SLC35F4: variants seen among roughly 807,000 people sequenced by gnomAD.
The protein encoded by SLC35F4 is chromosome 14 open reading frame 36.
In SLC35F4, 24 loss-of-function variants were observed where a neutral mutation model predicts 44.2. The ratio of observed to expected loss-of-function variants is 0.54; its 90% confidence interval spans 0.39 to 0.76. The LOEUF (loss-of-function observed/expected upper bound fraction) is 0.76, where lower values mean the gene tolerates loss of function less well. Ranked by LOEUF, SLC35F4 falls within the 30% of genes least tolerant of loss-of-function variation. The pLI is 0.00. For missense variants in SLC35F4, 562 were observed against 586.1 expected (o/e 0.96, Z 0.42); for synonymous variants, 238 against 223.6 (o/e 1.06, Z -0.57).
intron 1 of SLC35F4, among the ~76,000 whole-genome samples, chr14:57,920,266 C>G (rs1014438073): frequency 3.3e-5 from 5 of 152,126 alleles, no homozygotes; most frequent in African/African-American, 1.2e-4. Context: ...AGATATGAAA[C>G]ATTAATAAGA....
chr14:57,564,469 C>A, intron 7 of SLC35F4, 93 bp from the exon 8 acceptor site: 1 of 1,471,014 alleles, frequency 6.8e-7, no homozygotes, highest in East Asian at 2.5e-5. Flanking sequence ...TAGAGATTTC[C>A]AAGAGTCTTC....
chr14:57,951,292 A>C (rs897123527), intron 1 of SLC35F4, among the ~76,000 whole-genome samples: 2 of 152,198 alleles, frequency 1.3e-5, no homozygotes, highest in South Asian at 4.1e-4. Flanking sequence ...CACAACCTGC[A>C]GACCAGGAGA....
At position 57,804,285 on chromosome 14, in the gene SLC35F4, G is replaced by A. The variant is rs147329810; in HGVS notation, c.103+61438C>T. ...AAAAAAACTATTTAAAAATTCTTAT[G>A]GAACCAAAAAAGAGCCTGAATACCA... On this transcript the variant is annotated intron_variant, in intron 1 of 7. Coordinates refer to ENST00000556826, the MANE Select transcript of SLC35F4 (RefSeq NM_001306087.2). Among the ~76,000 whole-genome samples, 243 of 152,098 alleles carry A rather than the reference G, an allele frequency of 1.6e-3. 1 individual carries two copies. The highest frequency in any genetic ancestry group is 5.4e-3 in the African/African-American group (222 of 41,476).
intron 1 of SLC35F4, among the ~76,000 whole-genome samples, chr14:57,656,418 A>C (rs930496569): frequency 6.6e-6 from 1 of 151,476 alleles, no homozygotes; most frequent in African/African-American, 2.4e-5. Flanking sequence ...GATACACATG[A>C]TATATATACA....
At chr14:57,962,529 T>C (rs980475985) in intron 1 of SLC35F4, among the ~76,000 whole-genome samples, 2 of 152,124 alleles carry the variant, frequency 1.3e-5, no homozygotes, top group African/African-American at 4.8e-5. Context: ...AGTCATCTAA[T>C]CCTACAGGAC....
intron 1 of SLC35F4, among the ~76,000 whole-genome samples, chr14:57,965,483 G>A (rs529731002): frequency 7.9e-5 from 12 of 152,118 alleles, no homozygotes; most frequent in Non-Finnish European, 1.6e-4. Context: ...TTACATGTAA[G>A]ATCACATACC....
At chr14:57,915,664 C>T (rs1209014354) in intron 1 of SLC35F4, among the ~76,000 whole-genome samples, 1 of 152,072 alleles carries the variant, frequency 6.6e-6, no homozygotes, top group African/African-American at 2.4e-5. Flanking sequence ...GTCTTTGCCA[C>T]ATTATAACAA....
intron 1 of SLC35F4, among the ~76,000 whole-genome samples, chr14:57,736,921 C>A (rs866908238): frequency 9.2e-5 from 14 of 151,486 alleles, no homozygotes; most frequent in Middle Eastern, 6.8e-3. Context: ...AGCCATCATA[C>A]TAAACAATAA....
rs545073486 is a variant in SLC35F4, at chr14:57,881,299, A to C, written n.282+100614T>G. On this transcript the variant is annotated intron_variant and non_coding_transcript_variant, in intron 1 of 1. Coordinates refer to the SLC35F4 transcript ENST00000556568. ...TGAGTTTATTTTCTCTGGAACTTTC[A>C]GATCATAAGGGTGCCTCCTACTCCT... 4.6e-5 allele frequency among the ~76,000 whole-genome samples: 7 copies of C among 152,280 alleles called. No homozygotes were observed. The South Asian group carries it at 1.4e-3, about 32-fold the overall frequency.
chr14:57,566,681 T>A, intron 6 of SLC35F4, 117 bp from the exon 7 acceptor site: 1 of 951,026 alleles, frequency 1.1e-6, no homozygotes, highest in Non-Finnish European at 1.6e-6. Flanking sequence ...TGTCTATACC[T>A]TTGATCCTCT....
downstream of SLC35F4, among the ~76,000 whole-genome samples, chr14:57,975,128 A>G (rs1383561378): frequency 1.3e-5 from 2 of 152,214 alleles, no homozygotes. Flanking sequence ...ACAGGAGTTT[A>G]TTACATAAAG....
At chr14:57,823,106 C>T (rs1040503996) in intron 1 of SLC35F4, among the ~76,000 whole-genome samples, 5 of 152,120 alleles carry the variant, frequency 3.3e-5, no homozygotes, top group Non-Finnish European at 4.4e-5. Flanking sequence ...CACAGTCCCC[C>T]ACTGCACTCA....
intron 1 of SLC35F4, among the ~76,000 whole-genome samples, chr14:57,699,248 CA>C (rs2075467461): frequency 6.6e-6 from 1 of 152,034 alleles, no homozygotes; most frequent in African/African-American, 2.4e-5. Context: ...TACAAAAGAA[CA>C]AAAAAATAGA....
At chr14:57,862,452 A>ATTCATTCTG (rs1273161839) in intron 1 of SLC35F4, among the ~76,000 whole-genome samples, 2 of 152,230 alleles carry the variant, frequency 1.3e-5, no homozygotes, top group Non-Finnish European at 2.9e-5. Flanking sequence ...AATACAAGCC[A>ATTCATTCTG]AAGGATTGAC....
At chr14:57,856,545 C>A (rs1887114251) in intron 1 of SLC35F4, among the ~76,000 whole-genome samples, 1 of 151,986 alleles carries the variant, frequency 6.6e-6, no homozygotes, top group African/African-American at 2.4e-5. Flanking sequence ...ATTTTAAATG[C>A]AAAATACACA....
intron 1 of SLC35F4, among the ~76,000 whole-genome samples, chr14:57,843,478 C>G (rs1419100370): frequency 6.6e-6 from 1 of 152,090 alleles, no homozygotes; most frequent in Non-Finnish European, 1.5e-5. Context: ...TTCATTTCTA[C>G]TTGGCAAAGC....
At chr14:57,901,066 T>C (rs371481254) in intron 1 of SLC35F4, among the ~76,000 whole-genome samples, 1 of 152,294 alleles carries the variant, frequency 6.6e-6, no homozygotes, top group Non-Finnish European at 1.5e-5. Context: ...TTTTACACCA[T>C]TGGTGAGAGT....
At chr14:57,647,289 T>A (rs978174759) in intron 1 of SLC35F4, among the ~76,000 whole-genome samples, 1 of 152,090 alleles carries the variant, frequency 6.6e-6, no homozygotes, top group Non-Finnish European at 1.5e-5. Context: ...GGACTTGCTT[T>A]ATGAATCTGG....
At chr14:57,927,367 G>A (rs952699720) in intron 1 of SLC35F4, among the ~76,000 whole-genome samples, 2 of 152,132 alleles carry the variant, frequency 1.3e-5, no homozygotes, top group African/African-American at 4.8e-5. Context: ...TCAAGGTTTA[G>A]AGACACTTGA....
Sources: gnomAD v4.1 joint callset for allele counts (sites outside exome capture counted in the v4.1 genomes callset) on GRCh38, gnomAD v4.1.1 for gene constraint, MANE v1.5 for transcripts, NCBI Gene and HGNC (gene_info 2026-07-23, HGNC 2026-07-21) for gene names.